ENTPD1: variants seen among roughly 807,000 people sequenced by gnomAD.
The protein encoded by ENTPD1 is ATP diphosphohydrolase.
Under a neutral mutation model 57.0 loss-of-function variants are expected in ENTPD1, and 33 were observed. The ratio of observed to expected loss-of-function variants is 0.58; its 90% CI spans 0.44 to 0.77. The LOEUF is 0.77. Ranked by LOEUF, ENTPD1 falls within the 30% of genes least tolerant of loss-of-function variation. The pLI, the probability that ENTPD1 is intolerant of heterozygous loss-of-function variation, is 0.00. For synonymous variants in ENTPD1, 202 were observed against 218.8 expected (o/e 0.92, Z 0.68); for missense variants, 501 against 603.4 (o/e 0.83, Z 1.78).
At position 95,723,683 on chromosome 10, in the gene ENTPD1, C is replaced by T. The variant is rs985731720; in HGVS notation, c.37+11690C>T. Among the ~76,000 whole-genome samples the T allele has an allele frequency of 3.9e-5, 6 of 152,298 alleles. No individual in the cohort carries two copies. The South Asian group carries it at 1.2e-3, about 32-fold the overall frequency. On this transcript the variant is annotated intron_variant, in intron 1 of 9. Coordinates refer to the ENTPD1 transcript ENST00000453258. ...GGTCAGAAGGAAAGGTAGGGGCACACACATGGGCAACTGTTGAGTAGAGAC... is the reference window on the plus strand; with the variant it reads ...GGTCAGAAGGAAAGGTAGGGGCACATACATGGGCAACTGTTGAGTAGAGAC...
chr10:95,709,811 G>C (rs540543463), upstream of ENTPD1, among the ~76,000 whole-genome samples: 9 of 152,054 alleles, frequency 5.9e-5, no homozygotes, highest in East Asian at 1.6e-3. Flanking sequence ...TGTCGTCCAG[G>C]CTGAAGTGCA....
At chr10:95,788,846 A>G (rs1459623914) in intron 1 of ENTPD1, among the ~76,000 whole-genome samples, 1 of 152,200 alleles carries the variant, frequency 6.6e-6, no homozygotes, top group African/African-American at 2.4e-5. Flanking sequence ...TATGGCTTTT[A>G]TAAAATAAAC....
chr10:95,716,515 G>C (rs1425295317), intron 1 of ENTPD1, among the ~76,000 whole-genome samples: 1 of 152,226 alleles, frequency 6.6e-6, no homozygotes, highest in Non-Finnish European at 1.5e-5. Flanking sequence ...AAGGATTAAT[G>C]CCATATTGTG....
chr10:95,734,042 G>T (rs956940027), intron 1 of ENTPD1, among the ~76,000 whole-genome samples: 2 of 152,128 alleles, frequency 1.3e-5, no homozygotes, highest in African/African-American at 2.4e-5. Context: ...CAGCTGCATG[G>T]TGTCTCAGAG....
At chr10:95,863,835 T>C (rs1476172712) in intron 8 of ENTPD1, among the ~76,000 whole-genome samples, 3 of 152,110 alleles carry the variant, frequency 2.0e-5, no homozygotes, top group Non-Finnish European at 4.4e-5. Flanking sequence ...CTGCCGAGGG[T>C]ATCCAGGAGG....
chr10:95,735,696 A>G (rs2097993953), intron 1 of ENTPD1, among the ~76,000 whole-genome samples: 1 of 152,046 alleles, frequency 6.6e-6, no homozygotes, highest in Admixed American at 6.6e-5. Flanking sequence ...CCCGGGTTCA[A>G]GTGATTCTCC....
At chr10:95,853,393 T>A (rs1566240960) in intron 7 of ENTPD1, among the ~76,000 whole-genome samples, 1 of 152,230 alleles carries the variant, frequency 6.6e-6, no homozygotes, top group Non-Finnish European at 1.5e-5. Context: ...ACAATTTGAC[T>A]TCCTCTTTTC....
At chr10:95,705,299 A>G in the ENTPD1 span, among the ~76,000 whole-genome samples, 7 of 43,348 alleles carry the variant, frequency 1.6e-4, no homozygotes, top group South Asian at 1.2e-3. Context: ...GTGTGTGTGT[A>G]TGGTAAATAC....
At chr10:95,767,183 G>T (rs2098092220) in intron 1 of ENTPD1, among the ~76,000 whole-genome samples, 1 of 151,524 alleles carries the variant, frequency 6.6e-6, no homozygotes, top group African/African-American at 2.4e-5. Context: ...GGGCGTGGTG[G>T]TGGGCGCCTA....
chr10:95,806,130 A>T (rs1272105794), intron 1 of ENTPD1, among the ~76,000 whole-genome samples: 1 of 152,228 alleles, frequency 6.6e-6, no homozygotes, highest in African/African-American at 2.4e-5. Flanking sequence ...AGGTACACCA[A>T]TCAGACATAG....
chr10:95,716,103 CA>C (rs1199219208), intron 1 of ENTPD1, among the ~76,000 whole-genome samples: 4 of 152,178 alleles, frequency 2.6e-5, no homozygotes, highest in African/African-American at 9.7e-5. Context: ...TGGTCTCTAG[CA>C]ATCCTCCTGC....
intron 1 of ENTPD1, among the ~76,000 whole-genome samples, chr10:95,785,895 C>T (rs1368390351): frequency 1.3e-5 from 2 of 152,134 alleles, no homozygotes; most frequent in East Asian, 3.9e-4. Flanking sequence ...TAGCACAGTG[C>T]CTGCTACCCA....
At chr10:95,735,521 A>T (rs1314754095) in intron 1 of ENTPD1, among the ~76,000 whole-genome samples, 1 of 152,196 alleles carries the variant, frequency 6.6e-6, no homozygotes, top group African/African-American at 2.4e-5. Context: ...GGTAAATTTT[A>T]ATTAAATTCT....
chr10:95,846,903 C>T lies in ENTPD1; in HGVS notation c.814-543C>T, dbSNP rs1200407438. The stretch of plus-strand genomic sequence containing the variant: ...ACTAAGGAGTCTGAGGCAGGAGAAT[C>T]GCTTGAACCTGGGAGGCTGAGGTTG... On this transcript the variant is annotated intron_variant, in intron 6 of 9. Transcript: ENST00000371205. 5.3e-5 allele frequency among the ~76,000 whole-genome samples: 8 copies of T among 151,968 alleles called. No individual in the cohort carries two copies. The South Asian group carries it at 1.7e-3, about 32-fold the overall frequency.
chr10:95,796,814 C>T (rs1318553657), intron 1 of ENTPD1, among the ~76,000 whole-genome samples: 1 of 152,042 alleles, frequency 6.6e-6, no homozygotes, highest in African/African-American at 2.4e-5. Flanking sequence ...CATGGTGGCT[C>T]ATACTGGTAA....
chr10:95,697,056 A>G, the ENTPD1 span, among the ~76,000 whole-genome samples: 2 of 152,246 alleles, frequency 1.3e-5, no homozygotes, highest in Non-Finnish European at 2.9e-5. Flanking sequence ...TAGAAGGCAC[A>G]TGGGATGGAA....
chr10:95,820,169 G>C (rs1020985816), intron 1 of ENTPD1, among the ~76,000 whole-genome samples: 2 of 152,184 alleles, frequency 1.3e-5, no homozygotes, highest in South Asian at 4.1e-4. Flanking sequence ...CAGGGCTTTT[G>C]AAAACTGGCT....
chr10:95,752,049 G>T (rs1477695789), upstream of ENTPD1, among the ~76,000 whole-genome samples: 1 of 152,170 alleles, frequency 6.6e-6, no homozygotes, highest in Non-Finnish European at 1.5e-5. Flanking sequence ...CATGAGGGGG[G>T]TTCTGGAAAA....
At chr10:95,760,814 CTTTTTTTTTTTTTTTTTT>C (rs71034350) in intron 1 of ENTPD1, among the ~76,000 whole-genome samples, 1,873 of 63,050 alleles carry the variant, frequency 0.03, 99 homozygotes, top group African/African-American at 0.12. Flanking sequence ...AGAGTTTATT[CTTTTTTTTTTTTTTTTTT>C]TTTTTTTTTT....
Sources: gnomAD v4.1 joint callset for allele counts (sites outside exome capture counted in the v4.1 genomes callset) on GRCh38, gnomAD v4.1.1 for gene constraint, MANE v1.5 for transcripts, NCBI Gene and HGNC (gene_info 2026-07-23, HGNC 2026-07-21) for gene names.